EXOC4: variants seen among roughly 807,000 people sequenced by gnomAD.
EXOC4 encodes the protein SEC8-like 1.
In EXOC4, 71 loss-of-function variants were observed where a neutral mutation model predicts 107.2. That is an observed-to-expected ratio of 0.66 (90% CI 0.55 to 0.81). The LOEUF is 0.81. EXOC4 is among the 30% of genes least tolerant of loss of function. The pLI is 0.00. For synonymous variants in EXOC4, 456 were observed against 441.2 expected (o/e 1.03, Z -0.42); for missense variants, 1,108 against 1,189.6 (o/e 0.93, Z 1.01).
At chr7:133,517,461 A>G (rs575662478) in intron 9 of EXOC4, among the ~76,000 whole-genome samples, 2 of 152,186 alleles carry the variant, frequency 1.3e-5, no homozygotes, top group African/African-American at 2.4e-5. Flanking sequence ...TGCCGCTGAT[A>G]AAGGCATACC....
the EXOC4 span, among the ~76,000 whole-genome samples, chr7:134,086,100 G>T: frequency 6.6e-6 from 1 of 152,188 alleles, no homozygotes; most frequent in Non-Finnish European, 1.5e-5. Context: ...TCTCTGTTCA[G>T]TCATTAGCTG....
intron 9 of EXOC4, among the ~76,000 whole-genome samples, chr7:133,487,223 C>T (rs544680257): frequency 2.0e-4 from 30 of 152,252 alleles, no homozygotes; most frequent in Non-Finnish European, 3.5e-4. Flanking sequence ...AAGAACCTCG[C>T]TCTTGAGATA....
At chr7:133,626,936 G>T (rs1171738197) in intron 9 of EXOC4, among the ~76,000 whole-genome samples, 1 of 152,106 alleles carries the variant, frequency 6.6e-6, no homozygotes, top group African/African-American at 2.4e-5. Flanking sequence ...CATTGATTCG[G>T]GTTTTGACAG....
Position 133,312,674 on chromosome 7 carries a change from C to T in EXOC4, c.657-4610C>T, listed in dbSNP as rs538967154. The stretch of plus-strand genomic sequence containing the variant: ...TGCGTGCCATTTTTGTGTTGTGTGA[C>T]GTGGGGGGTGGATGGACAGACACTC... On this transcript the variant is annotated intron_variant, in intron 4 of 17. Coordinates refer to ENST00000253861, the MANE Select transcript of EXOC4 (RefSeq NM_021807.4). Among the ~76,000 whole-genome samples, 21 of 151,418 alleles carry T rather than the reference C, an allele frequency of 1.4e-4. No individual in the cohort carries two copies. In the South Asian group the frequency reaches 2.7e-3, roughly 20 times the overall value.
intron 7 of EXOC4, among the ~76,000 whole-genome samples, chr7:133,405,796 T>C (rs1797203791): frequency 6.6e-6 from 1 of 152,198 alleles, no homozygotes; most frequent in Non-Finnish European, 1.5e-5. Context: ...GCTTGGGAAC[T>C]CTTTCATGCA....
chr7:133,924,334 G>A (rs1210721152), intron 13 of EXOC4, among the ~76,000 whole-genome samples: 3 of 152,044 alleles, frequency 2.0e-5, no homozygotes, highest in African/African-American at 7.2e-5. Flanking sequence ...TTATTTTTGT[G>A]TAACTCCTTA....
At chr7:133,846,121 A>G (rs539536103) in intron 11 of EXOC4, among the ~76,000 whole-genome samples, 48 of 152,198 alleles carry the variant, frequency 3.2e-4, no homozygotes, top group Non-Finnish European at 6.0e-4. Flanking sequence ...TCAAGCAAAA[A>G]AATAAGGGAT....
intron 7 of EXOC4, among the ~76,000 whole-genome samples, chr7:133,382,582 C>T (rs145964173): frequency 3.6e-4 from 55 of 152,048 alleles, no homozygotes; most frequent in African/African-American, 1.3e-3. Flanking sequence ...TCCTGGAGAA[C>T]AAAATAATTC....
chr7:133,729,272 T>C (rs1795277176), intron 10 of EXOC4, among the ~76,000 whole-genome samples: 3 of 152,188 alleles, frequency 2.0e-5, no homozygotes, highest in African/African-American at 7.2e-5. Context: ...CTTGGTTACC[T>C]TCTATTGAGT....
intron 1 of EXOC4, among the ~76,000 whole-genome samples, chr7:133,257,328 T>C (rs1795040974): frequency 6.6e-6 from 1 of 152,016 alleles, no homozygotes. Flanking sequence ...ACTTTTCTGT[T>C]GACCTGCTGA....
chr7:133,336,521 A>G (rs1485891464), intron 5 of EXOC4, among the ~76,000 whole-genome samples: 1 of 152,114 alleles, frequency 6.6e-6, no homozygotes, highest in Non-Finnish European at 1.5e-5. Flanking sequence ...TCATTTTACA[A>G]TTCTTGCCAA....
At chr7:133,840,923 G>A in intron 11 of EXOC4, among the ~76,000 whole-genome samples, 1 of 152,216 alleles carries the variant, frequency 6.6e-6, no homozygotes, top group East Asian at 1.9e-4. Context: ...AAAAGACAGT[G>A]AGGGCCTGAA....
chr7:133,487,047 A>G (rs1336388831), intron 9 of EXOC4, among the ~76,000 whole-genome samples: 18 of 152,240 alleles, frequency 1.2e-4, no homozygotes, highest in Admixed American at 1.2e-3. Flanking sequence ...TTTACTTTAT[A>G]TAAGTTGGAT....
intron 10 of EXOC4, among the ~76,000 whole-genome samples, chr7:133,671,089 C>A (rs1793935334): frequency 1.3e-5 from 2 of 152,052 alleles, no homozygotes; most frequent in Non-Finnish European, 1.5e-5. Context: ...GACCCGTATA[C>A]CTGAAGACAA....
intron 9 of EXOC4, among the ~76,000 whole-genome samples, chr7:133,626,760 C>A (rs1191532755): frequency 6.6e-6 from 1 of 152,120 alleles, no homozygotes; most frequent in Non-Finnish European, 1.5e-5. Flanking sequence ...ACTGACATTT[C>A]TAGTGACTCT....
chr7:133,419,554 C>T (rs1797554572), intron 7 of EXOC4, among the ~76,000 whole-genome samples: 1 of 152,106 alleles, frequency 6.6e-6, no homozygotes, highest in Non-Finnish European at 1.5e-5. Context: ...ACAGCCAACA[C>T]TCAAGTATTT....
At chr7:133,271,091 T>A (rs1793858932) in intron 1 of EXOC4, among the ~76,000 whole-genome samples, 1 of 152,054 alleles carries the variant, frequency 6.6e-6, no homozygotes, top group African/African-American at 2.4e-5. Flanking sequence ...GCTAATTTTT[T>A]ATATTTTTAG....
In EXOC4 at chr7:133,577,541, C is replaced by T. The variant is rs1378893049; in HGVS notation, c.1418-52504C>T. Among the ~76,000 whole-genome samples the T allele has an allele frequency of 2.0e-5, 3 of 152,254 alleles. No individual in the cohort carries two copies. The East Asian group carries it at 5.8e-4, about 29-fold the overall frequency. On this transcript the variant is annotated intron_variant, in intron 9 of 17. Coordinates refer to ENST00000253861, the MANE Select transcript of EXOC4 (RefSeq NM_021807.4). Reference sequence around the variant, plus strand: ...AAGTTAAGTTACATGTTTAAGATTACACAACAAGTTAAGTCAGAGTATGGA... The same window carrying T: ...AAGTTAAGTTACATGTTTAAGATTATACAACAAGTTAAGTCAGAGTATGGA...
intron 10 of EXOC4, among the ~76,000 whole-genome samples, chr7:133,781,950 T>C (rs1459006746): frequency 6.6e-6 from 1 of 152,212 alleles, no homozygotes; most frequent in Admixed American, 6.5e-5. Flanking sequence ...CAATCTCTTC[T>C]AATTTTAATT....
Sources: allele counts gnomAD v4.1 joint callset (sites outside exome capture counted in the v4.1 genomes callset), GRCh38; gene constraint gnomAD v4.1.1; transcripts MANE v1.5; gene names NCBI Gene and HGNC (gene_info 2026-07-23, HGNC 2026-07-21).